The following ERBB4 variants were observed in gnomAD, a reference collection of about 807,000 sequenced individuals.
The protein encoded by ERBB4 is receptor tyrosine-protein kinase erbB-4.
A neutral mutation model predicts 158.0 loss-of-function variants in ERBB4; 42 were observed. The ratio of observed to expected loss-of-function variants is 0.27; its 90% confidence interval spans 0.21 to 0.34. The LOEUF (loss-of-function observed/expected upper bound fraction) is 0.34. ERBB4 is among the 10% of genes least tolerant of loss of function. The pLI is 1.00. For missense variants in ERBB4, 1,333 were observed against 1,624.1 expected (o/e 0.82, Z 3.08); for synonymous variants, 583 against 558.7 (o/e 1.04, Z -0.61).
chr2:212,443,120 C>A (rs560605491), intron 1 of ERBB4, among the ~76,000 whole-genome samples: 1 of 152,234 alleles, frequency 6.6e-6, no homozygotes, highest in South Asian at 2.1e-4. Flanking sequence ...GTAAGGCCCA[C>A]CAGAAGCAAT....
intron 1 of ERBB4, among the ~76,000 whole-genome samples, chr2:212,188,233 TC>T (rs1401740081): frequency 6.0e-5 from 1 of 16,576 alleles, no homozygotes; most frequent in East Asian, 4.8e-3. Flanking sequence ...TCTCTCTCTC[TC>T]CCCCCCCCTC....
At chr2:212,157,441 C>T (rs1036283528) in intron 1 of ERBB4, among the ~76,000 whole-genome samples, 12 of 152,078 alleles carry the variant, frequency 7.9e-5, no homozygotes, top group Non-Finnish European at 1.2e-4. Flanking sequence ...GTCACTACAA[C>T]ATAGTTATTG....
intron 1 of ERBB4, among the ~76,000 whole-genome samples, chr2:212,259,458 G>C (rs2106079627): frequency 6.6e-6 from 1 of 152,226 alleles, no homozygotes; most frequent in South Asian, 2.1e-4. Context: ...AAATTAATGA[G>C]TCAACCATGT....
At chr2:211,548,233 T>C (rs1484521642) in intron 20 of ERBB4, among the ~76,000 whole-genome samples, 2 of 151,766 alleles carry the variant, frequency 1.3e-5, no homozygotes, top group Non-Finnish European at 2.9e-5. Flanking sequence ...AGGGTGAACA[T>C]GATTCAAATT....
chr2:211,857,176 T>TG (rs10681061), intron 3 of ERBB4, among the ~76,000 whole-genome samples: 28,905 of 150,176 alleles, frequency 0.19, 2,993 homozygotes, highest in South Asian at 0.32. Context: ...TGTGTGTGTG[T>TG]TTGTGTGTCT....
chr2:212,497,193 A>G, intron 1 of ERBB4, among the ~76,000 whole-genome samples: 1 of 152,114 alleles, frequency 6.6e-6, no homozygotes, highest in East Asian at 1.9e-4. Context: ...AAAAAAAAAA[A>G]AAAACCCTAT....
chr2:211,721,443 C>CAAAAGAAAAGAAAG (rs2074086999), intron 7 of ERBB4, among the ~76,000 whole-genome samples: 1 of 54,500 alleles, frequency 1.8e-5, no homozygotes, highest in African/African-American at 9.5e-5. Context: ...TTACTCAAAG[C>CAAAAGAAAAGAAAG]AAAAAAAAAA....
At chr2:212,394,495 C>T (rs2090968034) in intron 1 of ERBB4, among the ~76,000 whole-genome samples, 1 of 151,906 alleles carries the variant, frequency 6.6e-6, no homozygotes, top group Non-Finnish European at 1.5e-5. Context: ...TTATATTTTC[C>T]TGTTATCATT....
chr2:211,690,215 G>A (rs923115469), intron 12 of ERBB4, among the ~76,000 whole-genome samples: 2 of 151,844 alleles, frequency 1.3e-5, no homozygotes, highest in African/African-American at 4.8e-5. Flanking sequence ...CCTTGGCACT[G>A]TCTATTTTAT....
intron 16 of ERBB4, among the ~76,000 whole-genome samples, chr2:211,642,721 A>G (rs1574912262): frequency 6.6e-6 from 1 of 152,270 alleles, no homozygotes; most frequent in African/African-American, 2.4e-5. Flanking sequence ...ACATGAAGAA[A>G]TAACTGGATG....
chr2:212,374,770 A>C (rs952655649), intron 1 of ERBB4, among the ~76,000 whole-genome samples: 13 of 151,950 alleles, frequency 8.6e-5, no homozygotes, highest in Admixed American at 5.9e-4. Flanking sequence ...AATAAAGAAA[A>C]TTGCATATGA....
chr2:211,576,190 C>T (rs2067887359), intron 19 of ERBB4, among the ~76,000 whole-genome samples: 1 of 152,094 alleles, frequency 6.6e-6, no homozygotes, highest in South Asian at 2.1e-4. Flanking sequence ...TATATGGTGT[C>T]ACAAAAGACT....
chr2:211,813,210 G>T (rs978601109), intron 3 of ERBB4, among the ~76,000 whole-genome samples: 49 of 152,256 alleles, frequency 3.2e-4, no homozygotes, highest in African/African-American at 1.2e-3. Flanking sequence ...TTAACTATGT[G>T]AATGTAATAT....
At chr2:211,587,401 C>T (rs1435080305) in intron 19 of ERBB4, among the ~76,000 whole-genome samples, 1 of 151,972 alleles carries the variant, frequency 6.6e-6, no homozygotes, top group African/African-American at 2.4e-5. Context: ...TACCTCTATT[C>T]CAATATGACT....
At chr2:211,534,798 C>G (rs970407920) in intron 20 of ERBB4, among the ~76,000 whole-genome samples, 1 of 152,008 alleles carries the variant, frequency 6.6e-6, no homozygotes, top group Non-Finnish European at 1.5e-5. Context: ...CAGACGAAAA[C>G]AGATGGGAAG....
intron 1 of ERBB4, among the ~76,000 whole-genome samples, chr2:212,377,624 T>A (rs930057095): frequency 1.3e-5 from 2 of 151,930 alleles, no homozygotes; most frequent in African/African-American, 4.8e-5. Flanking sequence ...CTTCCAGGAC[T>A]AGGAGTTGCT....
At chr2:212,282,129 G>T (rs893023450) in intron 1 of ERBB4, among the ~76,000 whole-genome samples, 1 of 151,834 alleles carries the variant, frequency 6.6e-6, no homozygotes, top group African/African-American at 2.4e-5. Context: ...AAATAACAAT[G>T]AAGTGAACAA....
chr2:211,488,263 A>G (rs1041194377), intron 20 of ERBB4, among the ~76,000 whole-genome samples: 5 of 152,048 alleles, frequency 3.3e-5, no homozygotes, highest in Admixed American at 3.3e-4. Flanking sequence ...CTGTGTTCAA[A>G]TTGTCCCATG....
At chr2:211,894,611 T>C (rs1353398947) in intron 3 of ERBB4, among the ~76,000 whole-genome samples, 4 of 152,202 alleles carry the variant, frequency 2.6e-5, no homozygotes, top group African/African-American at 9.7e-5. Flanking sequence ...ACTAATGAGC[T>C]GTCATGCACA....
Sources: allele counts gnomAD v4.1 joint callset (sites outside exome capture counted in the v4.1 genomes callset), GRCh38; gene constraint gnomAD v4.1.1; transcripts MANE v1.5; gene names NCBI Gene and HGNC (gene_info 2026-07-23, HGNC 2026-07-21).